ESRRB: variants seen among roughly 807,000 people sequenced by gnomAD.
The protein encoded by ESRRB is steroid hormone receptor ERR2.
Under a neutral mutation model 46.0 loss-of-function variants are expected in ESRRB, and 16 were observed. That is an observed-to-expected ratio of 0.35 (90% confidence interval 0.24 to 0.53). ESRRB has a LOEUF of 0.53. ESRRB is among the 20% of genes least tolerant of loss of function. The probability of loss-of-function intolerance (pLI) is 0.93; values close to 1 mark genes in which losing one functional copy is unlikely to be tolerated. For synonymous variants in ESRRB, 246 were observed against 259.6 expected (o/e 0.95, Z 0.50); for missense variants, 488 against 607.4 (o/e 0.80, Z 2.07).
intron 1 of ESRRB, among the ~76,000 whole-genome samples, chr14:76,323,786 G>A (rs916424548): frequency 2.0e-5 from 3 of 152,180 alleles, no homozygotes; most frequent in Non-Finnish European, 4.4e-5. Context: ...CCTTGACCAA[G>A]GCGCTGGTTC....
intron 1 of ESRRB, among the ~76,000 whole-genome samples, chr14:76,341,176 T>TC (rs1884187522): frequency 6.6e-6 from 1 of 152,106 alleles, no homozygotes; most frequent in Non-Finnish European, 1.5e-5. Context: ...GGCTCCCTTC[T>TC]CCCCTCTCCT....
At chr14:76,421,983 C>T (rs1325476335) in intron 1 of ESRRB, among the ~76,000 whole-genome samples, 2 of 152,234 alleles carry the variant, frequency 1.3e-5, no homozygotes, top group East Asian at 3.9e-4. Context: ...ACATTTTGAT[C>T]GAGCCAGCAG....
intron 1 of ESRRB, among the ~76,000 whole-genome samples, chr14:76,436,659 C>T (rs1001843972): frequency 6.6e-6 from 1 of 152,196 alleles, no homozygotes; most frequent in Non-Finnish European, 1.5e-5. Flanking sequence ...TCACATGCCC[C>T]TGCAGCTGAT....
chr14:76,363,037 T>C (rs1262561311), intron 1 of ESRRB, among the ~76,000 whole-genome samples: 1 of 152,186 alleles, frequency 6.6e-6, no homozygotes, highest in Non-Finnish European at 1.5e-5. Flanking sequence ...TAAGTCTCCA[T>C]AAAGACCCAT....
chr14:76,350,729 C>T (rs901648545), intron 1 of ESRRB, among the ~76,000 whole-genome samples: 4 of 152,160 alleles, frequency 2.6e-5, no homozygotes, highest in East Asian at 1.9e-4. Flanking sequence ...GGAGAGAGAC[C>T]GGGTCAGGCA....
chr14:76,328,088 C>T (rs1008097494), intron 1 of ESRRB, among the ~76,000 whole-genome samples: 2 of 152,102 alleles, frequency 1.3e-5, no homozygotes, highest in Admixed American at 1.3e-4. Flanking sequence ...TCATTTCTAC[C>T]AGAGCTACAG....
At chr14:76,423,945 C>T (rs1023673848) in intron 1 of ESRRB, among the ~76,000 whole-genome samples, 1 of 152,028 alleles carries the variant, frequency 6.6e-6, no homozygotes, top group African/African-American at 2.4e-5. Context: ...ATCCTGAGGC[C>T]TTCTGAGCTG....
chr14:76,327,775 C>T (rs1883952724), intron 1 of ESRRB, among the ~76,000 whole-genome samples: 1 of 152,144 alleles, frequency 6.6e-6, no homozygotes, highest in Admixed American at 6.5e-5. Context: ...GTGATCTTGG[C>T]TCACTGCAAC....
chr14:76,496,951 C>T (rs1041983386), intron 6 of ESRRB, among the ~76,000 whole-genome samples: 2 of 152,178 alleles, frequency 1.3e-5, no homozygotes, highest in African/African-American at 2.4e-5. Context: ...TCAATGCCAT[C>T]GATACAGACC....
intron 1 of ESRRB, among the ~76,000 whole-genome samples, chr14:76,333,142 T>TTA (rs1555389391): frequency 0.049 from 243 of 4,994 alleles, 71 homozygotes; most frequent in African/African-American, 0.12. Context: ...ATATTATATA[T>TTA]TATATATTAT....
At chr14:76,365,436 G>A (rs1013504476) in intron 1 of ESRRB, among the ~76,000 whole-genome samples, 10 of 152,174 alleles carry the variant, frequency 6.6e-5, no homozygotes, top group South Asian at 4.1e-4. Flanking sequence ...ATGTGTTCAC[G>A]CCACTGCACA....
intron 2 of ESRRB, among the ~76,000 whole-genome samples, chr14:76,441,202 C>G (rs1369929907): frequency 1.3e-5 from 2 of 152,182 alleles, no homozygotes; most frequent in African/African-American, 4.8e-5. Context: ...ACAGTCGCTG[C>G]CACCACACCC....
In ESRRB at chr14:76,500,216, A is replaced by G; in HGVS notation, c.*1758A>G. 1 of 650,020 alleles carries G rather than the reference A, an allele frequency of 1.5e-6. No homozygotes were observed. The highest frequency in any genetic ancestry group is 2.7e-6 in the Non-Finnish European group (1 of 374,786). The allele number at this position is 650,020 out of a possible 1,614,324, so 40.3% of individuals were successfully genotyped here. The stretch of plus-strand genomic sequence containing the variant: ...GGCTGAAATCCACAAACTGCAGAGC[A>G]GCTCTCTGATGGTGTCCCACACAGA... On this transcript the variant is annotated 3_prime_UTR_variant, in exon 7 of 7. Coordinates refer to ENST00000644823, the MANE Select transcript of ESRRB (RefSeq NM_001379180.1).
intron 1 of ESRRB, among the ~76,000 whole-genome samples, chr14:76,410,234 A>G (rs1490985575): frequency 6.6e-6 from 1 of 152,098 alleles, no homozygotes; most frequent in African/African-American, 2.4e-5. Flanking sequence ...AAACAAACAA[A>G]CAAACAAACA....
intron 2 of ESRRB, among the ~76,000 whole-genome samples, chr14:76,451,253 G>T (rs1487149883): frequency 6.6e-6 from 1 of 152,082 alleles, no homozygotes; most frequent in African/African-American, 2.4e-5. Flanking sequence ...AAGATTTGAG[G>T]GCTATTTAAC....
In ESRRB at chr14:76,332,758, TAAATATATAA is replaced by T. The variant is rs1566853363; in HGVS notation, c.2+21843_2+21852del. Reference sequence around the variant, plus strand: ...ATATTATATATTTATATATTATATATAAATATATAATATATATTATATATTATATATAAAT... The same window carrying T: ...ATATTATATATTTATATATTATATATTATATATTATATATTATATATAAAT... On this transcript the variant is annotated intron_variant, in intron 1 of 6. Coordinates refer to the ESRRB transcript ENST00000512784. Among the ~76,000 whole-genome samples, 55 of 15,708 alleles carry T rather than the reference TAAATATATAA, an allele frequency of 3.5e-3. 2 individuals are homozygous for T. The highest frequency in any genetic ancestry group is 4.4e-3 in the Admixed American group (3 of 686). 10.3% of individuals were successfully genotyped at this position (15,708 alleles called of 152,430 possible).
intron 1 of ESRRB, among the ~76,000 whole-genome samples, chr14:76,319,527 G>A (rs1220723205): frequency 6.6e-6 from 1 of 152,124 alleles, no homozygotes; most frequent in Admixed American, 6.5e-5. Flanking sequence ...AATCTTGAAG[G>A]AACATGTAAT....
At chr14:76,325,400 T>C (rs1355032075) in intron 1 of ESRRB, among the ~76,000 whole-genome samples, 6 of 152,186 alleles carry the variant, frequency 3.9e-5, no homozygotes, top group Non-Finnish European at 5.9e-5. Context: ...GTCTGCTGGC[T>C]TTAATTGGTT....
intron 1 of ESRRB, among the ~76,000 whole-genome samples, chr14:76,352,487 A>G (rs1241027579): frequency 5.3e-5 from 8 of 152,200 alleles, no homozygotes; most frequent in Admixed American, 1.3e-4. Flanking sequence ...TCAAGCCTCA[A>G]GCGGACCTGG....
Sources: gnomAD v4.1 joint callset for allele counts (sites outside exome capture counted in the v4.1 genomes callset) on GRCh38, gnomAD v4.1.1 for gene constraint, MANE v1.5 for transcripts, NCBI Gene and HGNC (gene_info 2026-07-23, HGNC 2026-07-21) for gene names.